UNC5D: variants seen among roughly 807,000 people sequenced by gnomAD.
UNC5D encodes the protein unc-5 netrin receptor D.
UNC5D carries 39 observed loss-of-function variants against 105.4 expected under a neutral mutation model. That is an observed-to-expected ratio of 0.37 (90% confidence interval 0.29 to 0.48). The LOEUF is 0.48. UNC5D is among the 20% of genes least tolerant of loss of function. The pLI, the probability that UNC5D is intolerant of heterozygous loss-of-function variation, is 0.98. For missense variants in UNC5D, 991 were observed against 1,202.4 expected (o/e 0.82, Z 2.60); for synonymous variants, 452 against 450.4 (o/e 1.00, Z -0.04).
rs191645276 is a variant in UNC5D at position 35,439,637 on chromosome 8, A to G, written c.104-109655A>G. On this transcript the variant is annotated intron_variant, in intron 1 of 16. Transcript: ENST00000404895. ...TTTCTCCACCTGCCAAAGCCATGGG[A>G]TAGACTAAGGTATATCTGAGTTCTT... is the stretch of plus-strand genomic sequence containing the variant. Among the ~76,000 whole-genome samples, 4 of 152,196 alleles carry G rather than the reference A, an allele frequency of 2.6e-5. No individual in the cohort carries two copies. In the East Asian group the frequency reaches 7.8e-4, roughly 30 times the overall value.
At chr8:35,556,770 T>C (rs1365630490) in intron 2 of UNC5D, among the ~76,000 whole-genome samples, 2 of 152,180 alleles carry the variant, frequency 1.3e-5, no homozygotes, top group East Asian at 1.9e-4. Flanking sequence ...GACTCCCAAG[T>C]CTGGGTTTGT....
chr8:35,577,970 A>T (rs1818203399), intron 3 of UNC5D, among the ~76,000 whole-genome samples: 1 of 152,102 alleles, frequency 6.6e-6, no homozygotes, highest in African/African-American at 2.4e-5. Context: ...CATGCCTGTA[A>T]TCCTAACACT....
intron 4 of UNC5D, among the ~76,000 whole-genome samples, chr8:35,648,704 A>T (rs1016246909): frequency 1.4e-5 from 2 of 144,896 alleles, no homozygotes; most frequent in South Asian, 4.3e-4. Context: ...AAAAAAAAGG[A>T]GAGAGATCTC....
chr8:35,327,746 T>G (rs540196848), intron 1 of UNC5D, among the ~76,000 whole-genome samples: 2 of 152,170 alleles, frequency 1.3e-5, no homozygotes, highest in African/African-American at 4.8e-5. Context: ...TCCAGGATGA[T>G]GGATTGAAGG....
intron 1 of UNC5D, among the ~76,000 whole-genome samples, chr8:35,328,507 C>T (rs541643861): frequency 3.9e-5 from 6 of 152,158 alleles, no homozygotes; most frequent in Non-Finnish European, 5.9e-5. Context: ...GTTCCCATCA[C>T]GGCATAGGCT....
chr8:35,731,399 CAAAAAAAAAAAAAA>C (rs57529561), intron 11 of UNC5D, among the ~76,000 whole-genome samples: 8 of 30,662 alleles, frequency 2.6e-4, no homozygotes, highest in East Asian at 1.0e-3. Context: ...ACTCTGTCTC[CAAAAAAAAAAAAAA>C]AAAAAAAAAA....
chr8:35,588,907 G>A (rs747824636), intron 3 of UNC5D, among the ~76,000 whole-genome samples: 1 of 152,110 alleles, frequency 6.6e-6, no homozygotes, highest in Non-Finnish European at 1.5e-5. Context: ...GCCAGACGTG[G>A]TGGCACACGC....
chr8:35,265,302 A>G (rs1462460981), intron 1 of UNC5D, among the ~76,000 whole-genome samples: 3 of 152,090 alleles, frequency 2.0e-5, no homozygotes, highest in African/African-American at 7.2e-5. Flanking sequence ...TTTTCCCCAT[A>G]AAGATTCTTC....
At chr8:35,552,142 A>G (rs1364212150) in intron 2 of UNC5D, among the ~76,000 whole-genome samples, 1 of 152,206 alleles carries the variant, frequency 6.6e-6, no homozygotes, top group African/African-American at 2.4e-5. Context: ...CCTTTTAGAG[A>G]TGTTCTTCAG....
At chr8:35,789,137 CTATATATATATA>C (rs58201859) in intron 16 of UNC5D, among the ~76,000 whole-genome samples, 362 of 32,424 alleles carry the variant, frequency 0.011, 5 homozygotes, top group South Asian at 0.026. Flanking sequence ...GGAGAAAAGA[CTATATATATATA>C]TATATATATA....
At chr8:35,271,696 CA>C (rs2128835894) in intron 1 of UNC5D, among the ~76,000 whole-genome samples, 2 of 66,966 alleles carry the variant, frequency 3.0e-5, no homozygotes, top group African/African-American at 1.1e-4. Flanking sequence ...TACATGTATA[CA>C]TGTATACATA....
At chr8:35,366,741 G>T (rs1474288810) in intron 1 of UNC5D, among the ~76,000 whole-genome samples, 1 of 151,796 alleles carries the variant, frequency 6.6e-6, no homozygotes, top group African/African-American at 2.4e-5. Context: ...TAATTTAGAG[G>T]CTATGGATAT....
chr8:35,427,459 T>A (rs562367998), intron 1 of UNC5D, among the ~76,000 whole-genome samples: 1 of 152,320 alleles, frequency 6.6e-6, no homozygotes, highest in African/African-American at 2.4e-5. Context: ...ATTGCTTTTA[T>A]TATCAGTGAA....
At chr8:35,609,282 G>A (rs1409439034) in intron 4 of UNC5D, among the ~76,000 whole-genome samples, 1 of 151,998 alleles carries the variant, frequency 6.6e-6, no homozygotes, top group African/African-American at 2.4e-5. Context: ...ATCTTAATGT[G>A]GGACAGTATC....
At chr8:35,453,842 C>A (rs1427858909) in intron 1 of UNC5D, among the ~76,000 whole-genome samples, 1 of 152,120 alleles carries the variant, frequency 6.6e-6, no homozygotes, top group Admixed American at 6.6e-5. Context: ...CTTCCTTTAG[C>A]TGGAGTATAA....
At chr8:35,253,709 T>C (rs1404541890) in intron 1 of UNC5D, among the ~76,000 whole-genome samples, 1 of 151,970 alleles carries the variant, frequency 6.6e-6, no homozygotes, top group African/African-American at 2.4e-5. Flanking sequence ...TAGGATGATT[T>C]CGATTTCCTG....
intron 1 of UNC5D, among the ~76,000 whole-genome samples, chr8:35,492,216 T>C (rs1355681723): frequency 6.6e-6 from 1 of 152,090 alleles, no homozygotes; most frequent in African/African-American, 2.4e-5. Context: ...ATAGCTATGT[T>C]ATTACTCTAC....
At chr8:35,601,783 C>T (rs1029836359) in intron 4 of UNC5D, among the ~76,000 whole-genome samples, 30 of 152,008 alleles carry the variant, frequency 2.0e-4, no homozygotes, top group African/African-American at 4.8e-5. Context: ...TAATTGAATG[C>T]CCTTTATTTC....
intron 8 of UNC5D, among the ~76,000 whole-genome samples, chr8:35,710,828 C>T: frequency 6.6e-6 from 1 of 152,160 alleles, no homozygotes; most frequent in Non-Finnish European, 1.5e-5. Flanking sequence ...CTAGAGTTGC[C>T]TCTTTGTAGC....
Sources: gnomAD v4.1 joint callset for allele counts (sites outside exome capture counted in the v4.1 genomes callset) on GRCh38, gnomAD v4.1.1 for gene constraint, MANE v1.5 for transcripts, NCBI Gene and HGNC (gene_info 2026-07-23, HGNC 2026-07-21) for gene names.